SCN10A: variants seen among roughly 807,000 people sequenced by gnomAD.
The protein encoded by SCN10A is sodium voltage-gated channel alpha subunit 10, also known as sodium channel protein type 10 subunit alpha.
In SCN10A, 162 loss-of-function variants were observed where a neutral mutation model predicts 170.7. That is an observed-to-expected ratio of 0.95 (90% CI 0.84 to 1.08). SCN10A has a LOEUF of 1.08. Ranked by LOEUF, SCN10A falls within the 50% of genes least tolerant of loss-of-function variation. The probability of loss-of-function intolerance (pLI) is 0.00; values close to 1 mark genes in which losing one functional copy is unlikely to be tolerated. For missense variants in SCN10A, 2,527 were observed against 2,436.9 expected (o/e 1.04, Z -0.78); for synonymous variants, 985 against 904.6 (o/e 1.09, Z -1.59).
chr3:38,814,370 GA>G (rs968145666), intron 1 of SCN10A, among the ~76,000 whole-genome samples: 1 of 152,172 alleles, frequency 6.6e-6, no homozygotes, highest in African/African-American at 2.4e-5. Context: ...TATTCTGAGA[GA>G]GGGGGAGCTA....
intron 1 of SCN10A, among the ~76,000 whole-genome samples, chr3:38,805,712 T>C (rs910894642): frequency 1.3e-5 from 2 of 152,172 alleles, no homozygotes; most frequent in Admixed American, 6.5e-5. Flanking sequence ...CAGACCTCAC[T>C]CTACATGATC....
chr3:38,793,319 C>T (rs531193598), intron 2 of SCN10A, among the ~76,000 whole-genome samples: 1 of 152,054 alleles, frequency 6.6e-6, no homozygotes, highest in East Asian at 1.9e-4. Context: ...TTTGGGGACA[C>T]CAGGGGTTCC....
At chr3:38,767,892 G>C (rs1184701550) in intron 5 of SCN10A, among the ~76,000 whole-genome samples, 1 of 152,094 alleles carries the variant, frequency 6.6e-6, no homozygotes, top group Non-Finnish European at 1.5e-5. Flanking sequence ...AGGTCTAGTA[G>C]TAATTGTTTT....
Position 38,794,046 on chromosome 3 carries a change from A to T in SCN10A, c.-32-4T>A. On this transcript the variant is annotated splice_polypyrimidine_tract_variant and splice_region_variant and intron_variant, in intron 1 of 27. Coordinates refer to ENST00000449082, the MANE Select transcript of SCN10A (RefSeq NM_006514.4). Reference sequence around the variant, plus strand: ...TTCTTCAGGAAGTATTTATACTCTTATAAGAGTGGACATAACCACAGAGAG... The same window carrying T: ...TTCTTCAGGAAGTATTTATACTCTTTTAAGAGTGGACATAACCACAGAGAG... 1.3e-6 allele frequency: 2 copies of T among 1,598,050 alleles called. No homozygotes were observed. The highest frequency in any genetic ancestry group is 1.3e-5 in the African/African-American group (1 of 74,562).
intron 8 of SCN10A, among the ~76,000 whole-genome samples, chr3:38,757,556 TAA>T (rs2063822574): frequency 6.6e-6 from 1 of 152,222 alleles, no homozygotes; most frequent in Admixed American, 6.5e-5. Context: ...GTTCACTGAT[TAA>T]TTATATGTAA....
chr3:38,714,188 C>A, intron 21 of SCN10A, 108 bp from the exon 22 acceptor site: 2 of 1,362,094 alleles, frequency 1.5e-6, no homozygotes, highest in African/African-American at 1.4e-5. Context: ...CACGTCTAAG[C>A]CATCATCCTA....
rs557317287 is a variant in SCN10A, at chr3:38,793,997, A to G, written c.14T>C (p.Ile5Thr). The change falls in exon 2 of 28, where the codon ATT becomes ACT. Residue 5 changes from isoleucine (I) to threonine (T), a missense_variant. Transcript: ENST00000449082. ...GAAGTTGTTAGTTTCGAGGGATCCA[A>G]TGGGGAATTCCATCTTCTCATTCTT... is the stretch of plus-strand genomic sequence containing the variant. MEFP[I>T]GSLETNNFRR... 59 of 1,613,762 alleles carry G rather than the reference A, an allele frequency of 3.7e-5. No homozygotes were observed. The highest frequency in any genetic ancestry group is 5.0e-5 in the Admixed American group (3 of 59,982).
chr3:38,799,978 A>C (rs2064361832), intron 1 of SCN10A, among the ~76,000 whole-genome samples: 1 of 152,176 alleles, frequency 6.6e-6, no homozygotes, highest in Non-Finnish European at 1.5e-5. Context: ...TGGTCCAGGC[A>C]ACCCCTAAAA....
intron 14 of SCN10A, among the ~76,000 whole-genome samples, chr3:38,740,968 T>C (rs1425630705): frequency 6.6e-6 from 1 of 152,194 alleles, no homozygotes; most frequent in African/African-American, 2.4e-5. Flanking sequence ...TTCCTTTTCA[T>C]ATCAACTTTA....
At position 38,698,022 on chromosome 3, in the gene SCN10A, G is replaced by T; in HGVS notation, c.5198C>A (p.Thr1733Asn). 1 of 1,614,194 alleles carries T rather than the reference G, an allele frequency of 6.2e-7. No homozygotes were observed. Among genetic ancestry groups the T allele is most frequent in the African/African-American group, 1.3e-5 (1 of 75,050 alleles). Residue 1733 changes from threonine (T) to asparagine (N), a missense_variant, in exon 28 of 28, where the codon ACT (threonine) becomes AAT (asparagine). Physicochemically the swap from Thr to Asn is moderately conservative, Grantham distance 65 (BLOSUM62 0). Transcript: ENST00000449082. ...AAAGTCGTCCTCACTCAGGGGCTCA[G>T]TGCTCTCCTCCGTGGCCACATTGAA... The part of the protein sequence containing the change: ...ENFNVATEES[T>N]EPLSEDDFDM...
intron 2 of SCN10A, among the ~76,000 whole-genome samples, chr3:38,792,833 T>A (rs2064300503): frequency 6.6e-6 from 1 of 152,152 alleles, no homozygotes; most frequent in South Asian, 2.1e-4. Context: ...AACTACTGAT[T>A]CTCAAACTTT....
At chr3:38,813,126 A>T (rs891598486) in intron 1 of SCN10A, among the ~76,000 whole-genome samples, 10 of 152,204 alleles carry the variant, frequency 6.6e-5, no homozygotes, top group African/African-American at 2.2e-4. Context: ...GCTGCTGGTC[A>T]GCTCTGTGAG....
chr3:38,795,766 T>G (rs2064337711), intron 1 of SCN10A, among the ~76,000 whole-genome samples: 1 of 152,148 alleles, frequency 6.6e-6, no homozygotes, highest in Non-Finnish European at 1.5e-5. Context: ...TAGTAACAAC[T>G]TCAACAGCGC....
chr3:38,717,729 C>T (rs181470229), intron 21 of SCN10A, among the ~76,000 whole-genome samples: 3 of 152,354 alleles, frequency 2.0e-5, no homozygotes, highest in South Asian at 4.1e-4. Context: ...GCTGGGCAGA[C>T]CTTGCTGCTG....
At position 38,718,730 on chromosome 3, in the gene SCN10A, G is replaced by A; in HGVS notation, c.3604C>T (p.Leu1202=). 6.2e-7 allele frequency: 1 copy of A among 1,614,218 alleles called. No homozygotes were observed. The highest frequency in any genetic ancestry group is 8.5e-7 in the Non-Finnish European group (1 of 1,180,038). The part of the protein sequence containing the change: ...VFTFIFVFEM[L]LKWVAYGFKK... ...AAGCCATAGGCCACCCACTTAAGCAGCATCTCGAACACAAAGATAAAGGTG... is the reference window on the plus strand; with the variant it reads ...AAGCCATAGGCCACCCACTTAAGCAACATCTCGAACACAAAGATAAAGGTG... Residue 1202 remains leucine (L), a synonymous_variant, in exon 21 of 28, where the codon CTG becomes TTG. Transcript: ENST00000449082.
At chr3:38,709,001 A>G (rs940093880) in intron 25 of SCN10A, among the ~76,000 whole-genome samples, 2 of 152,138 alleles carry the variant, frequency 1.3e-5, no homozygotes, top group African/African-American at 2.4e-5. Context: ...GTTATCTGGG[A>G]TTCGATTCCT....
In SCN10A at chr3:38,742,251, C is replaced by T. The variant is rs371339739; in HGVS notation, c.2106+40G>A. The T allele has an allele frequency of 1.5e-5, 23 of 1,516,908 alleles. No individual in the cohort carries two copies. The East Asian group carries it at 1.8e-4, about 12-fold the overall frequency. 94.0% of individuals were successfully genotyped at this position (1,516,908 alleles called of 1,614,324 possible). ...CCCTGCCATCATCCCCACCCCGCCC[C>T]GACCACGCCAGTGAGGGCAGTACCA... On this transcript the variant is annotated intron_variant, in intron 14 of 27. Coordinates refer to ENST00000449082, the MANE Select transcript of SCN10A (RefSeq NM_006514.4).
intron 22 of SCN10A, 34 bp downstream of exon 22, chr3:38,713,924 G>A (rs1226710922): frequency 3.7e-6 from 6 of 1,611,028 alleles, no homozygotes; most frequent in Non-Finnish European, 5.1e-6. Flanking sequence ...CACCGTGCCT[G>A]GCCAGATGAG....
At chr3:38,716,896 G>A (rs2063339791) in intron 21 of SCN10A, among the ~76,000 whole-genome samples, 1 of 152,114 alleles carries the variant, frequency 6.6e-6, no homozygotes, top group Non-Finnish European at 1.5e-5. Context: ...GATGATGAAT[G>A]GAAGGGAAAG....
Sources: gnomAD v4.1 joint callset for allele counts (sites outside exome capture counted in the v4.1 genomes callset) on GRCh38, gnomAD v4.1.1 for gene constraint, MANE v1.5 for transcripts, NCBI Gene and HGNC (gene_info 2026-07-23, HGNC 2026-07-21) for gene names.